The following GRHL2 variants were observed in gnomAD, a reference collection of about 807,000 sequenced individuals.
GRHL2 encodes the protein grainyhead like transcription factor 2.
A neutral mutation model predicts 83.8 loss-of-function variants in GRHL2; 21 were observed. The ratio of observed to expected loss-of-function variants is 0.25; its 90% CI spans 0.18 to 0.36. The LOEUF (loss-of-function observed/expected upper bound fraction) is 0.36, where lower values mean the gene tolerates loss of function less well. Among genes scored for constraint, GRHL2 ranks in the 10% least tolerant of loss-of-function variants. GRHL2 has a pLI of 1.00. For synonymous variants in GRHL2, 280 were observed against 278.9 expected (o/e 1.00, Z -0.04); for missense variants, 623 against 781.8 (o/e 0.80, Z 2.42).
rs368675698 is a variant in GRHL2, at chr8:101,636,955, A to G, written c.1517+27A>G. Reference sequence around the variant, plus strand: ...TAAGACACTCAGTTCTTTCATTTCAACACTCCAAGTCAGCTCATGTCAGTG... The same window carrying G: ...TAAGACACTCAGTTCTTTCATTTCAGCACTCCAAGTCAGCTCATGTCAGTG... On this transcript the variant is annotated intron_variant, in intron 12 of 15. Coordinates refer to ENST00000646743, the MANE Select transcript of GRHL2 (RefSeq NM_024915.4). The G allele has an allele frequency of 2.7e-5, 43 of 1,608,090 alleles. No homozygotes were observed. In the African/African-American group the frequency reaches 4.9e-4, roughly 19 times the overall value.
In GRHL2 at chr8:101,669,557, G is replaced by T. The variant is rs1348177157; in HGVS notation, c.*2854G>T. 1 of 152,134 alleles carries T rather than the reference G, an allele frequency of 6.6e-6. No homozygotes were observed. The highest frequency in any genetic ancestry group is 2.4e-5 in the African/African-American group (1 of 41,296). 9.4% of individuals were successfully genotyped at this position (152,134 alleles called of 1,614,324 possible). A position where few individuals can be genotyped will look rare whatever the true frequency, so the allele number is the denominator to read the frequency against. On this transcript the variant is annotated 3_prime_UTR_variant, in exon 16 of 16. Transcript: ENST00000646743. The stretch of plus-strand genomic sequence containing the variant: ...GGCCCTTTCTTAAAGACAAGCAAGG[G>T]AGATTGATATATGTACAATTTGCTC...
At chr8:101,621,390 G>A (rs556586289) in intron 9 of GRHL2, among the ~76,000 whole-genome samples, 11 of 152,100 alleles carry the variant, frequency 7.2e-5, no homozygotes, top group Non-Finnish European at 1.3e-4. Context: ...GTAGAAAATA[G>A]AATGACTTGA....
At chr8:101,550,929 A>G (rs577767366) in intron 2 of GRHL2, among the ~76,000 whole-genome samples, 1 of 152,166 alleles carries the variant, frequency 6.6e-6, no homozygotes, top group Non-Finnish European at 1.5e-5. Flanking sequence ...TATAGCATGC[A>G]CCTTAATTTC....
At chr8:101,608,460 T>C (rs2130338756) in intron 8 of GRHL2, among the ~76,000 whole-genome samples, 1 of 152,324 alleles carries the variant, frequency 6.6e-6, no homozygotes, top group South Asian at 2.1e-4. Context: ...GCAGAATCCC[T>C]GCGCTCAGAG....
In GRHL2 at chr8:101,666,822, A is replaced by G; in HGVS notation, c.*119A>G. 2.7e-6 allele frequency: 2 copies of G among 734,402 alleles called. No homozygotes were observed. Among genetic ancestry groups the G allele is most frequent in the Non-Finnish European group, 5.0e-6 (2 of 402,786 alleles). 45.5% of individuals were successfully genotyped at this position (734,402 alleles called of 1,614,324 possible). A position where few individuals can be genotyped will look rare whatever the true frequency, so the allele number is the denominator to read the frequency against. ...CCCCCATCTCACAACTGCTGTTACA[A>G]GACCGTGCTGGGGAGTGGGGCAAGG... is the stretch of plus-strand genomic sequence containing the variant. On this transcript the variant is annotated 3_prime_UTR_variant, in exon 16 of 16. Transcript: ENST00000646743.
chr8:101,604,159 G>T (rs1812579317), intron 8 of GRHL2, among the ~76,000 whole-genome samples: 1 of 151,844 alleles, frequency 6.6e-6, no homozygotes, highest in African/African-American at 2.4e-5. Context: ...TCTTTCACAT[G>T]ACTCCCATTT....
At position 101,669,260 on chromosome 8, in the gene GRHL2, T is replaced by TTCTTTTTTTTTC. The variant is rs1814155094; in HGVS notation, c.*2558_*2559insCTTTTTTTTTCT. The TTCTTTTTTTTTC allele has an allele frequency of 7.0e-6, 1 of 142,342 alleles. No individual in the cohort carries two copies. The highest frequency in any genetic ancestry group is 2.5e-5 in the African/African-American group (1 of 40,302). The allele number at this position is 142,342 out of a possible 1,614,324, so 8.8% of individuals were successfully genotyped here. On this transcript the variant is annotated 3_prime_UTR_variant, in exon 16 of 16. Transcript: ENST00000646743. ...GTGAAATGAGCATTTTTTTCTTTTT[T>TTCTTTTTTTTTC]TTTTTTAACAAAGTCTGAACTGAAC...
downstream of GRHL2, among the ~76,000 whole-genome samples, chr8:101,671,275 G>C (rs1387168802): frequency 6.6e-6 from 1 of 152,196 alleles, no homozygotes; most frequent in Non-Finnish European, 1.5e-5. Flanking sequence ...CCTAGTCAAA[G>C]AAAGGGGTGA....
At position 101,577,366 on chromosome 8, in the gene GRHL2, G is replaced by T. The variant is rs780814043; in HGVS notation, c.892-42G>T. ...AGAACTGGAGACTGAGGCAACAGAGGCACTGAACAAAAAGTAAGCTCCACG... is the reference window on the plus strand; with the variant it reads ...AGAACTGGAGACTGAGGCAACAGAGTCACTGAACAAAAAGTAAGCTCCACG... On this transcript the variant is annotated intron_variant, in intron 6 of 15. Coordinates refer to ENST00000646743, the MANE Select transcript of GRHL2 (RefSeq NM_024915.4). 3.3e-6 allele frequency: 4 copies of T among 1,216,694 alleles called. No individual in the cohort carries two copies. The East Asian group carries it at 9.3e-5, about 28-fold the overall frequency. The allele number at this position is 1,216,694 out of a possible 1,614,324, so 75.4% of individuals were successfully genotyped here.
At chr8:101,541,307 T>A (rs576403665) in intron 1 of GRHL2, among the ~76,000 whole-genome samples, 5 of 152,230 alleles carry the variant, frequency 3.3e-5, no homozygotes, top group Admixed American at 3.3e-4. Flanking sequence ...CTTTTTAATA[T>A]AATGACTTAT....
intron 4 of GRHL2, among the ~76,000 whole-genome samples, chr8:101,566,535 T>G (rs1811720714): frequency 6.7e-6 from 1 of 149,208 alleles, no homozygotes; most frequent in Admixed American, 6.7e-5. Context: ...GAACTAATAT[T>G]TATTATAATG....
chr8:101,626,785 G>A (rs942565872), intron 9 of GRHL2, among the ~76,000 whole-genome samples: 1 of 152,004 alleles, frequency 6.6e-6, no homozygotes, highest in African/African-American at 2.4e-5. Context: ...AATAACAGTA[G>A]AAAGAATATT....
chr8:101,598,994 T>C, intron 7 of GRHL2, 63 bp from the exon 8 acceptor site: 1 of 1,105,088 alleles, frequency 9.0e-7, no homozygotes, highest in Middle Eastern at 2.0e-4. Flanking sequence ...AAATGATGGT[T>C]CAGTACATGT....
chr8:101,497,565 G>A (rs186321286), intron 1 of GRHL2, among the ~76,000 whole-genome samples: 17 of 152,292 alleles, frequency 1.1e-4, no homozygotes, highest in African/African-American at 3.4e-4. Context: ...TAAAATCATT[G>A]CATCTCAAAC....
At chr8:101,636,688 G>T in intron 11 of GRHL2, 1 of 585,904 alleles carries the variant, frequency 1.7e-6, no homozygotes, top group South Asian at 2.2e-5. Context: ...ACCCCATGGA[G>T]ATTATAAGGA....
chr8:101,515,176 G>GCACACACACACCCACA (rs1810546979), intron 1 of GRHL2, among the ~76,000 whole-genome samples: 1 of 144,444 alleles, frequency 6.9e-6, no homozygotes, highest in Non-Finnish European at 1.5e-5. Flanking sequence ...CTGTCTCTCT[G>GCACACACACACCCACA]CACACACACA....
intron 1 of GRHL2, among the ~76,000 whole-genome samples, chr8:101,497,571 C>T (rs476321): frequency 0.27 from 40,697 of 152,066 alleles, 5,679 homozygotes; most frequent in East Asian, 0.42. Flanking sequence ...CATTGCATCT[C>T]AAACTCACCT....
intron 2 of GRHL2, among the ~76,000 whole-genome samples, chr8:101,549,101 T>C (rs62519110): frequency 0.13 from 18,885 of 140,374 alleles, 1,522 homozygotes; most frequent in South Asian, 0.26. Context: ...ACTCAAAGTA[T>C]GGGCACAAGT....
intron 1 of GRHL2, among the ~76,000 whole-genome samples, chr8:101,493,099 T>C (rs1002546894): frequency 6.6e-6 from 1 of 152,046 alleles, no homozygotes; most frequent in Non-Finnish European, 1.5e-5. Context: ...TTGCCAGAGG[T>C]TTTGGTAGAT....
Sources: gnomAD v4.1 joint callset for allele counts (sites outside exome capture counted in the v4.1 genomes callset) on GRCh38, gnomAD v4.1.1 for gene constraint, MANE v1.5 for transcripts, NCBI Gene and HGNC (gene_info 2026-07-23, HGNC 2026-07-21) for gene names.